Variants in PIEZO2 observed in about 807,000 individuals in gnomAD.
The protein encoded by PIEZO2 is piezo type mechanosensitive ion channel component 2, also known as piezo-type mechanosensitive ion channel component 2.
In PIEZO2, 172 loss-of-function variants were observed where a neutral mutation model predicts 337.3. The observed-to-expected ratio is 0.51, with a 90% CI of 0.45 to 0.58. The LOEUF (loss-of-function observed/expected upper bound fraction) is 0.58, where lower values mean the gene tolerates loss of function less well. Ranked by LOEUF, PIEZO2 falls within the 20% of genes least tolerant of loss-of-function variation. The pLI is 0.00. For missense variants in PIEZO2, 3,028 were observed against 3,391.3 expected, an observed-to-expected ratio of 0.89 and a Z score of 2.66; for synonymous variants, 1,251 against 1,228.5, an observed-to-expected ratio of 1.02 and a Z score of -0.38.
At chr18:11,142,359 G>A (rs1223441564) in intron 1 of PIEZO2, among the ~76,000 whole-genome samples, 5 of 152,140 alleles carry the variant, frequency 3.3e-5, no homozygotes, top group Non-Finnish European at 5.9e-5. Flanking sequence ...TGTCTCTGAC[G>A]GGCTTTTCAC....
At chr18:11,142,729 C>T (rs565116119) in intron 1 of PIEZO2, among the ~76,000 whole-genome samples, 1 of 144,070 alleles carries the variant, frequency 6.9e-6, no homozygotes, top group Admixed American at 7.5e-5. Context: ...TGCAGTGGGC[C>T]GAGATCGTGC....
At position 10,687,416 on chromosome 18, in the gene PIEZO2, G is replaced by A. The variant is rs535560601; in HGVS notation, c.7497+2239C>T. On this transcript the variant is annotated intron_variant, in intron 49 of 55. Coordinates refer to ENST00000674853, the MANE Select transcript of PIEZO2 (RefSeq NM_001378183.1). Reference sequence around the variant, plus strand: ...CTGTCCACTGAGCCATCAGTTCCGTGATGGTGAGGCATTGTATGTTTGGGT... The same window carrying A: ...CTGTCCACTGAGCCATCAGTTCCGTAATGGTGAGGCATTGTATGTTTGGGT... Among the ~76,000 whole-genome samples, 110 of 152,204 alleles carry A rather than the reference G, an allele frequency of 7.2e-4. 1 individual carries two copies. The highest frequency in any genetic ancestry group is 1.5e-3 in the South Asian group (7 of 4,820).
chr18:10,946,052 C>T (rs1466018237), intron 3 of PIEZO2, among the ~76,000 whole-genome samples: 2 of 151,972 alleles, frequency 1.3e-5, no homozygotes, highest in African/African-American at 4.8e-5. Context: ...GTAATTGGAC[C>T]CCAAAATCAT....
intron 4 of PIEZO2, among the ~76,000 whole-genome samples, chr18:10,881,480 G>A (rs2042418927): frequency 6.6e-6 from 1 of 152,132 alleles, no homozygotes; most frequent in South Asian, 2.1e-4. Flanking sequence ...CCGGGCCAAG[G>A]GGACCATCAC....
At chr18:11,123,587 T>A (rs888842840) in intron 1 of PIEZO2, among the ~76,000 whole-genome samples, 18 of 152,068 alleles carry the variant, frequency 1.2e-4, no homozygotes, top group African/African-American at 4.1e-4. Context: ...GGCGGGCGGA[T>A]CATGAGGTCA....
chr18:11,124,873 T>G (rs987718226), intron 1 of PIEZO2, among the ~76,000 whole-genome samples: 1 of 152,138 alleles, frequency 6.6e-6, no homozygotes, highest in African/African-American at 2.4e-5. Context: ...CTGGCAGAAA[T>G]GGAGAAAACA....
intron 2 of PIEZO2, among the ~76,000 whole-genome samples, chr18:11,056,202 A>T (rs1245104647): frequency 6.6e-6 from 1 of 152,176 alleles, no homozygotes; most frequent in African/African-American, 2.4e-5. Context: ...CTGAGTGGTC[A>T]TTGGGTCCAG....
Position 10,726,455 on chromosome 18 carries a change from C to A in PIEZO2, c.5029+4952G>T. The A allele has an allele frequency of 1.3e-6, 2 of 1,529,270 alleles. No individual in the cohort carries two copies. Among genetic ancestry groups the A allele is most frequent in the African/African-American group, 2.7e-5 (2 of 72,810 alleles). 94.7% of individuals were successfully genotyped at this position (1,529,270 alleles called of 1,614,324 possible). A position where few individuals can be genotyped will look rare whatever the true frequency, so the allele number is the denominator to read the frequency against. On this transcript the variant is annotated intron_variant, in intron 36 of 55. Coordinates refer to ENST00000674853, the MANE Select transcript of PIEZO2 (RefSeq NM_001378183.1). This position sits in a 1 kb window ranked among gnomAD's most constrained non-coding sequence, Gnocchi z 5.9. ...TGCGGTACGGGCTACGGCCGGCGAA[C>A]CCCACGAGGAGGGCCTGGCCACCCT...
Position 10,713,797 on chromosome 18 carries a change from C to T in PIEZO2, c.5423+967G>A, listed in dbSNP as rs1458436177. 3.3e-5 allele frequency among the ~76,000 whole-genome samples: 5 copies of T among 152,186 alleles called. No individual in the cohort carries two copies. The highest frequency in any genetic ancestry group is 7.2e-5 in the African/African-American group (3 of 41,442). On this transcript the variant is annotated intron_variant, in intron 39 of 55. Coordinates refer to ENST00000674853, the MANE Select transcript of PIEZO2 (RefSeq NM_001378183.1). The surrounding 1 kb of genome is among the most constrained non-coding windows in gnomAD (Gnocchi z 4.5). ...TACAATTCTTTACCCATGAAGGTGG[C>T]TATAAGGTGTAATTCATTTGGTCTA...
chr18:11,043,193 C>T (rs866971424), intron 2 of PIEZO2, among the ~76,000 whole-genome samples: 2 of 151,356 alleles, frequency 1.3e-5, no homozygotes, highest in South Asian at 2.1e-4. Flanking sequence ...CCAAACTGAG[C>T]CAAGCAAATG....
chr18:10,943,790 A>G lies in PIEZO2; in HGVS notation c.287-32562T>C, dbSNP rs1301260476. 4.6e-5 allele frequency among the ~76,000 whole-genome samples: 7 copies of G among 152,200 alleles called. No homozygotes were observed. The highest frequency in any genetic ancestry group is 1.0e-4 in the Non-Finnish European group (7 of 68,032). ...ATGGTTTAGTTCTGTGTCTCCATACAGAGATATGTGAGAGTTGCAGAAGGG... is the reference window on the plus strand; with the variant it reads ...ATGGTTTAGTTCTGTGTCTCCATACGGAGATATGTGAGAGTTGCAGAAGGG... On this transcript the variant is annotated intron_variant, in intron 3 of 55. Transcript: ENST00000674853. This position sits in a 1 kb window ranked among gnomAD's most constrained non-coding sequence, Gnocchi z 4.5.
In PIEZO2 at chr18:11,028,407, CGCACATCCACACCTGGGTAATTTTTG is replaced by C. The variant is rs1346835357; in HGVS notation, c.160+37694_160+37719del. Among the ~76,000 whole-genome samples the C allele has an allele frequency of 6.6e-6, 1 of 151,982 alleles. No individual in the cohort carries two copies. Among genetic ancestry groups the C allele is most frequent in the Non-Finnish European group, 1.5e-5 (1 of 68,010 alleles). On this transcript the variant is annotated intron_variant, in intron 2 of 55. Coordinates refer to ENST00000674853, the MANE Select transcript of PIEZO2 (RefSeq NM_001378183.1). This position sits in a 1 kb window ranked among gnomAD's most constrained non-coding sequence, Gnocchi z 4.8. ...TCCTGAGTAGCTGGAAGTACAGGCA[CGCACATCCACACCTGGGTAATTTTTG>C]TATTTTTAGTAGAGACAGGGTTTCA...
chr18:10,879,642 G>C (rs562394536), intron 4 of PIEZO2, among the ~76,000 whole-genome samples: 2 of 151,928 alleles, frequency 1.3e-5, no homozygotes, highest in Non-Finnish European at 2.9e-5. Context: ...TGATCTGCCC[G>C]CCTCGGCCTC....
chr18:11,040,109 GAA>G (rs11325126), intron 2 of PIEZO2, among the ~76,000 whole-genome samples: 87 of 147,050 alleles, frequency 5.9e-4, no homozygotes, highest in East Asian at 1.8e-3. Context: ...AATACCATCT[GAA>G]AAAAAAAAAA....
At position 10,855,497 on chromosome 18, in the gene PIEZO2, G is replaced by A. The variant is rs983413824; in HGVS notation, c.773C>T (p.Ser258Phe). ...CAATGGGTCGAACGTCCGGCACCAG[G>A]ACCACCAGGTGCACAGACCCAAAAA... ...FVFLGLCTWW[S>F]WCRTFDPLLF... The change falls in exon 7 of 56, where the codon TCC becomes TTC. Residue 258 changes from serine to phenylalanine, a missense_variant. This residue lies in a region of PIEZO2 where 542 missense variants were observed against 605.6 expected (regional missense o/e 0.89). Coordinates refer to ENST00000674853, the MANE Select transcript of PIEZO2 (RefSeq NM_001378183.1). The surrounding 1 kb of genome is among the most constrained non-coding windows in gnomAD (Gnocchi z 4.9). The A allele has an allele frequency of 1.3e-6, 2 of 1,537,090 alleles. No homozygotes were observed. Among genetic ancestry groups the A allele is most frequent in the Non-Finnish European group, 1.7e-6 (2 of 1,146,894 alleles).
intron 2 of PIEZO2, among the ~76,000 whole-genome samples, chr18:10,991,442 C>T (rs2035098803): frequency 7.2e-6 from 1 of 138,994 alleles, no homozygotes; most frequent in Non-Finnish European, 1.5e-5. Context: ...CATGTGTTCT[C>T]ATTGTTCAAC....
rs2037508946 is a variant in PIEZO2, at chr18:10,748,355, A to C, written c.4424+116T>G. 5.9e-6 allele frequency: 6 copies of C among 1,016,282 alleles called. No homozygotes were observed. In the South Asian group the frequency reaches 9.8e-5, roughly 17 times the overall value. 63.0% of individuals were successfully genotyped at this position (1,016,282 alleles called of 1,614,324 possible). ...TTCTTCTTGGATTGGTTTTGCTGGA[A>C]GGGATTTCTTAACTTCTTGTGGGTT... On this transcript the variant is annotated intron_variant, in intron 30 of 55. Coordinates refer to ENST00000674853, the MANE Select transcript of PIEZO2 (RefSeq NM_001378183.1). This position sits in a 1 kb window ranked among gnomAD's most constrained non-coding sequence, Gnocchi z 5.1.
Position 10,696,160 on chromosome 18 carries a change from A to T in PIEZO2, c.7104T>A (p.Thr2368=). ...VVDRALYLRK[T]VLGKVIFQVI... The stretch of plus-strand genomic sequence containing the variant: ...CCTGGAAGATGACCTTTCCCAGTAC[A>T]GTCTTCCTGAGGTAGAGGGCTCGGT... Residue 2368 remains threonine, a synonymous_variant, in exon 47 of 56, where the codon ACT becomes ACA. Coordinates refer to ENST00000674853, the MANE Select transcript of PIEZO2 (RefSeq NM_001378183.1). 1.2e-6 allele frequency: 2 copies of T among 1,614,106 alleles called. No homozygotes were observed. Among genetic ancestry groups the T allele is most frequent in the East Asian group, 2.2e-5 (1 of 44,872 alleles).
At chr18:10,774,121 T>C (rs2038703314) in intron 18 of PIEZO2, 83 bp from the exon 19 acceptor site, 4 of 695,116 alleles carry the variant, frequency 5.8e-6, no homozygotes, top group Non-Finnish European at 1.0e-5. Flanking sequence ...TCACATATCA[T>C]GCTACATATC....
Sources: gnomAD v4.1 joint callset for allele counts (sites outside exome capture counted in the v4.1 genomes callset) on GRCh38, gnomAD v4.1.1 for gene constraint, gnomAD v4.1.1 regional missense constraint, Gnocchi (gnomAD v3.1) non-coding constraint, MANE v1.5 for transcripts, NCBI Gene and HGNC (gene_info 2026-07-23, HGNC 2026-07-21) for gene names.